Variants in KANK1 observed in about 807,000 individuals in gnomAD.
The protein encoded by KANK1 is KN motif and ankyrin repeat domain-containing protein 1.
A neutral mutation model predicts 106.2 loss-of-function variants in KANK1; 109 were observed. The observed-to-expected ratio is 1.03, with a 90% CI of 0.88 to 1.20. KANK1 has a LOEUF of 1.20. Ranked by LOEUF, KANK1 falls within the 50% of genes most tolerant of loss-of-function variation. KANK1 has a pLI of 0.00. For synonymous variants in KANK1, 873 were observed against 652.2 expected, an observed-to-expected ratio of 1.34 and a Z score of -5.16; for missense variants, 2,399 against 1,710.7, an observed-to-expected ratio of 1.40 and a Z score of -7.10.
At chr9:604,449 G>A (rs939035260) in intron 1 of KANK1, among the ~76,000 whole-genome samples, 1 of 151,718 alleles carries the variant, frequency 6.6e-6, no homozygotes, top group Admixed American at 6.6e-5. Context: ...GTGTTTGGCA[G>A]TTTCACCCTT....
chr9:567,546 T>C (rs1818107467), intron 1 of KANK1, among the ~76,000 whole-genome samples: 1 of 152,242 alleles, frequency 6.6e-6, no homozygotes, highest in African/African-American at 2.4e-5. Context: ...TGTCACAGTT[T>C]TGCAAAAGCA....
chr9:527,685 C>G (rs1563719125), intron 1 of KANK1, among the ~76,000 whole-genome samples: 1 of 150,554 alleles, frequency 6.6e-6, no homozygotes. Context: ...TTTGGCATAT[C>G]TAAATTGTCT....
chr9:601,217 C>T (rs543527733), intron 1 of KANK1, among the ~76,000 whole-genome samples: 2 of 151,982 alleles, frequency 1.3e-5, no homozygotes, highest in South Asian at 4.1e-4. Flanking sequence ...TCTTACATAA[C>T]CATATTGAAC....
chr9:555,091 C>T (rs147952011), intron 1 of KANK1, among the ~76,000 whole-genome samples: 4 of 152,292 alleles, frequency 2.6e-5, no homozygotes, highest in African/African-American at 4.8e-5. Flanking sequence ...GCTGGCCTAG[C>T]GACCACACTT....
At chr9:551,235 A>G (rs536095379) in intron 1 of KANK1, among the ~76,000 whole-genome samples, 37 of 151,694 alleles carry the variant, frequency 2.4e-4, no homozygotes, top group Non-Finnish European at 4.3e-4. Flanking sequence ...AAGGGCAAGC[A>G]GAAGACACAC....
chr9:486,464 A>T (rs932445980), intron 3 of KANK1, among the ~76,000 whole-genome samples: 4 of 152,126 alleles, frequency 2.6e-5, no homozygotes, highest in Non-Finnish European at 4.4e-5. Context: ...CAACTGCCTT[A>T]TGGGGTAGGT....
chr9:676,364 GA>G (rs1816416182), intron 1 of KANK1, among the ~76,000 whole-genome samples: 1 of 152,194 alleles, frequency 6.6e-6, no homozygotes, highest in Non-Finnish European at 1.5e-5. Flanking sequence ...GACTGGATCA[GA>G]TTTGTGCTTT....
chr9:605,042 G>A (rs557386891), intron 1 of KANK1, among the ~76,000 whole-genome samples: 10 of 151,778 alleles, frequency 6.6e-5, no homozygotes, highest in East Asian at 3.9e-4. Context: ...GGTGGCTCAC[G>A]CCTGTAATCC....
At chr9:551,096 T>A (rs2061251885) in intron 1 of KANK1, among the ~76,000 whole-genome samples, 1 of 151,838 alleles carries the variant, frequency 6.6e-6, no homozygotes, top group African/African-American at 2.4e-5. Flanking sequence ...TGGGTTGGGG[T>A]GTCAATTCAT....
At position 746,050 on chromosome 9, in the gene KANK1, T is replaced by C. The variant is rs1009503220; in HGVS notation, c.*815T>C. On this transcript the variant is annotated 3_prime_UTR_variant, in exon 12 of 12. Transcript: ENST00000382297. ...TTTGGTCCTCTATGTATTTAAATGTTTGAAGTGCCTTAGACTCTTGCCATA... is the reference window on the plus strand; with the variant it reads ...TTTGGTCCTCTATGTATTTAAATGTCTGAAGTGCCTTAGACTCTTGCCATA... The C allele has an allele frequency of 8.5e-5, 13 of 152,786 alleles. No homozygotes were observed. Among genetic ancestry groups the C allele is most frequent in the African/African-American group, 2.9e-4 (12 of 41,582 alleles). The allele number at this position is 152,786 out of a possible 1,614,324, so 9.5% of individuals were successfully genotyped here.
chr9:687,626 G>C (rs1226226517), intron 2 of KANK1, among the ~76,000 whole-genome samples: 1 of 151,918 alleles, frequency 6.6e-6, no homozygotes, highest in Non-Finnish European at 1.5e-5. Context: ...CCCAGTTAGT[G>C]TCTTTGCTTT....
intron 3 of KANK1, among the ~76,000 whole-genome samples, chr9:719,728 C>T (rs981327486): frequency 6.6e-6 from 1 of 152,086 alleles, no homozygotes; most frequent in Non-Finnish European, 1.5e-5. Context: ...ACCCATTCAG[C>T]TCTAGTTTTG....
intron 1 of KANK1, among the ~76,000 whole-genome samples, chr9:566,369 C>T (rs982502456): frequency 2.6e-5 from 4 of 152,162 alleles, no homozygotes; most frequent in African/African-American, 4.8e-5. Flanking sequence ...TTTTGGTGTA[C>T]ACCCAGTAAT....
At chr9:548,531 AAGC>A (rs1188105201) in intron 1 of KANK1, among the ~76,000 whole-genome samples, 2 of 152,328 alleles carry the variant, frequency 1.3e-5, no homozygotes, top group South Asian at 4.1e-4. Context: ...TAAGAAAAGA[AAGC>A]AGACATTTGT....
intron 1 of KANK1, among the ~76,000 whole-genome samples, chr9:624,439 A>G (rs1833880403): frequency 6.6e-6 from 1 of 152,182 alleles, no homozygotes; most frequent in Admixed American, 6.5e-5. Context: ...TTGAATACGT[A>G]TAATTTCTAT....
At chr9:490,790 G>GTATAT (rs2058364949) in intron 3 of KANK1, among the ~76,000 whole-genome samples, 1 of 151,938 alleles carries the variant, frequency 6.6e-6, no homozygotes, top group Non-Finnish European at 1.5e-5. Context: ...TAAGTGCCAG[G>GTATAT]GACTATGAGT....
intron 1 of KANK1, among the ~76,000 whole-genome samples, chr9:577,117 G>C (rs1474441233): frequency 3.3e-5 from 5 of 152,202 alleles, no homozygotes; most frequent in Non-Finnish European, 7.3e-5. Flanking sequence ...CTGAGCAGCA[G>C]CAAGATTTAT....
At chr9:563,625 A>G (rs942947260) in intron 1 of KANK1, among the ~76,000 whole-genome samples, 5 of 152,204 alleles carry the variant, frequency 3.3e-5, no homozygotes, top group South Asian at 2.1e-4. Flanking sequence ...CAGTAGACCC[A>G]TTCGTTTCTT....
chr9:505,661 C>T (rs762541253), intron 1 of KANK1, among the ~76,000 whole-genome samples: 1 of 152,314 alleles, frequency 6.6e-6, no homozygotes, highest in South Asian at 2.1e-4. Context: ...AGGCCTTGGG[C>T]GAGTTGGCGT....
Sources: gnomAD v4.1 joint callset for allele counts (sites outside exome capture counted in the v4.1 genomes callset) on GRCh38, gnomAD v4.1.1 for gene constraint, MANE v1.5 for transcripts, NCBI Gene and HGNC (gene_info 2026-07-23, HGNC 2026-07-21) for gene names.